Variants in MAML3 observed in about 807,000 individuals in gnomAD.
MAML3 encodes mastermind-like protein 3.
In MAML3, 27 loss-of-function variants were observed where a neutral mutation model predicts 101.9. The ratio of observed to expected loss-of-function variants is 0.27; its 90% CI spans 0.20 to 0.37. The LOEUF is 0.37. Among genes scored for constraint, MAML3 ranks in the 10% least tolerant of loss-of-function variants. The probability of loss-of-function intolerance (pLI) is 1.00; values close to 1 mark genes in which losing one functional copy is unlikely to be tolerated. For synonymous variants in MAML3, 501 were observed against 555.9 expected (o/e 0.90, Z 1.39); for missense variants, 1,316 against 1,444.9 (o/e 0.91, Z 1.45).
At chr4:139,942,371 G>A (rs1056325603) in intron 1 of MAML3, among the ~76,000 whole-genome samples, 1 of 152,100 alleles carries the variant, frequency 6.6e-6, no homozygotes, top group African/African-American at 2.4e-5. Context: ...GTAGACAGAC[G>A]CCTTGCTATT....
chr4:140,130,347 A>G (rs2111038785), intron 1 of MAML3, among the ~76,000 whole-genome samples: 1 of 152,304 alleles, frequency 6.6e-6, no homozygotes, highest in Admixed American at 6.5e-5. Context: ...TCTCACCCCC[A>G]TAATTTTATC....
intron 2 of MAML3, among the ~76,000 whole-genome samples, chr4:139,833,117 C>T (rs73854383): frequency 6.6e-6 from 1 of 152,278 alleles, no homozygotes; most frequent in Non-Finnish European, 1.5e-5. Flanking sequence ...CTCTTCGTCA[C>T]GTCACCAGCA....
At chr4:140,018,699 G>T (rs1411246853) in intron 1 of MAML3, among the ~76,000 whole-genome samples, 1 of 152,068 alleles carries the variant, frequency 6.6e-6, no homozygotes, top group Admixed American at 6.6e-5. Context: ...AAATAGAAAT[G>T]GTTTCTGCTA....
At chr4:139,757,447 C>A (rs931426797) in intron 2 of MAML3, among the ~76,000 whole-genome samples, 1 of 151,924 alleles carries the variant, frequency 6.6e-6, no homozygotes, top group South Asian at 2.1e-4. Context: ...GTCAGGAGTT[C>A]GAGACCAGCC....
chr4:139,935,182 A>T (rs1015434607), intron 1 of MAML3, among the ~76,000 whole-genome samples: 2 of 149,626 alleles, frequency 1.3e-5, no homozygotes, highest in African/African-American at 4.9e-5. Context: ...TTCCAGGCAG[A>T]TGCAGTTACA....
chr4:139,984,894 A>C (rs1443886561), intron 1 of MAML3, among the ~76,000 whole-genome samples: 3 of 152,224 alleles, frequency 2.0e-5, no homozygotes, highest in Non-Finnish European at 4.4e-5. Context: ...GTGTTTGATA[A>C]GTAACTGAGC....
At chr4:140,145,234 C>G in intron 1 of MAML3, among the ~76,000 whole-genome samples, 1 of 152,160 alleles carries the variant, frequency 6.6e-6, no homozygotes, top group East Asian at 1.9e-4. Context: ...ACACTGTTAA[C>G]AGTTGAGGGG....
chr4:139,942,496 C>T (rs944255073), intron 1 of MAML3, among the ~76,000 whole-genome samples: 5 of 152,206 alleles, frequency 3.3e-5, no homozygotes, highest in Non-Finnish European at 7.3e-5. Flanking sequence ...GGAGCAGACA[C>T]ATCTTATCTG....
chr4:140,085,884 T>C (rs1398570771), intron 1 of MAML3, among the ~76,000 whole-genome samples: 1 of 152,226 alleles, frequency 6.6e-6, no homozygotes, highest in Non-Finnish European at 1.5e-5. Context: ...ATTTTATATC[T>C]GTGGCCATTT....
chr4:139,972,313 G>A (rs567433857), intron 1 of MAML3, among the ~76,000 whole-genome samples: 1 of 152,232 alleles, frequency 6.6e-6, no homozygotes, highest in East Asian at 1.9e-4. Context: ...AGCCACATTG[G>A]GCAACATTTC....
chr4:140,046,118 G>A (rs1312800239), intron 1 of MAML3, among the ~76,000 whole-genome samples: 1 of 152,216 alleles, frequency 6.6e-6, no homozygotes, highest in African/African-American at 2.4e-5. Context: ...ACATGGAAGA[G>A]CTGTACTTCC....
chr4:139,965,936 G>C (rs927721329), intron 1 of MAML3, among the ~76,000 whole-genome samples: 2 of 152,146 alleles, frequency 1.3e-5, no homozygotes, highest in Non-Finnish European at 2.9e-5. Flanking sequence ...TCACAGGATT[G>C]GGGGAAGGGA....
chr4:139,951,355 C>A (rs1733828782), intron 1 of MAML3, among the ~76,000 whole-genome samples: 2 of 152,226 alleles, frequency 1.3e-5, no homozygotes, highest in Non-Finnish European at 2.9e-5. Flanking sequence ...TGCACACCAG[C>A]AAGGAAGAGA....
At chr4:139,937,325 T>C (rs796538859) in intron 1 of MAML3, among the ~76,000 whole-genome samples, 2 of 152,162 alleles carry the variant, frequency 1.3e-5, no homozygotes, top group African/African-American at 4.8e-5. Flanking sequence ...TTTCATATTA[T>C]TGATGACATA....
chr4:139,770,014 G>A (rs893709940), intron 2 of MAML3, among the ~76,000 whole-genome samples: 1 of 151,470 alleles, frequency 6.6e-6, no homozygotes, highest in African/African-American at 2.4e-5. Flanking sequence ...CAAACTCCTG[G>A]GTTCAGGCGA....
intron 1 of MAML3, among the ~76,000 whole-genome samples, chr4:140,151,905 C>T (rs1331391432): frequency 2.0e-5 from 3 of 152,218 alleles, no homozygotes; most frequent in Non-Finnish European, 4.4e-5. Flanking sequence ...TACCTCCCTG[C>T]TACCTTCCAT....
At chr4:139,850,320 T>A (rs1350111143) in intron 2 of MAML3, among the ~76,000 whole-genome samples, 1 of 152,224 alleles carries the variant, frequency 6.6e-6, no homozygotes, top group Non-Finnish European at 1.5e-5. Flanking sequence ...AATCTCACTC[T>A]GCATGACTAA....
chr4:139,982,168 T>C (rs1451108813), intron 1 of MAML3, among the ~76,000 whole-genome samples: 1 of 152,232 alleles, frequency 6.6e-6, no homozygotes, highest in Non-Finnish European at 1.5e-5. Context: ...TTTCCCATCA[T>C]TTATTTATAC....
intron 1 of MAML3, among the ~76,000 whole-genome samples, chr4:140,060,567 A>G (rs1436247227): frequency 6.6e-6 from 1 of 152,170 alleles, no homozygotes. Flanking sequence ...GCAAATGCAT[A>G]GAATGCCATT....
Sources: gnomAD v4.1 joint callset for allele counts (sites outside exome capture counted in the v4.1 genomes callset) on GRCh38, gnomAD v4.1.1 for gene constraint, MANE v1.5 for transcripts, NCBI Gene and HGNC (gene_info 2026-07-23, HGNC 2026-07-21) for gene names.